The following HMOX2 variants were observed in gnomAD, a reference collection of about 807,000 sequenced individuals.
HMOX2 encodes the protein heme oxygenase (decycling) 2.
In HMOX2, 30 loss-of-function variants were observed where a neutral mutation model predicts 33.7. That is an observed-to-expected ratio of 0.89 (90% CI 0.67 to 1.21). The LOEUF (loss-of-function observed/expected upper bound fraction) is 1.21, where lower values mean the gene tolerates loss of function less well. HMOX2 is among the 50% of genes most tolerant of loss of function. HMOX2 has a pLI of 0.00. For synonymous variants in HMOX2, 155 were observed against 155.0 expected (o/e 1.00, Z 0.00); for missense variants, 403 against 399.1 (o/e 1.01, Z -0.08).
chr16:4,495,122 G>T (rs543613631), intron 1 of HMOX2, among the ~76,000 whole-genome samples: 1 of 152,186 alleles, frequency 6.6e-6, no homozygotes. Flanking sequence ...CACTCTGCCC[G>T]ACTAGTCCTA....
chr16:4,494,113 G>A (rs573887537), intron 1 of HMOX2, among the ~76,000 whole-genome samples: 3 of 152,122 alleles, frequency 2.0e-5, no homozygotes, highest in South Asian at 2.1e-4. Flanking sequence ...TCAGGAGATC[G>A]AGACCATCCT....
chr16:4,507,717 C>T lies in HMOX2; in HGVS notation c.209C>T (p.Ala70Val). ...CTCCTCCTGTCACCTCCACAGCTGG[C>T]CACCACGGCACTTTACTTCACATAC... The part of the protein sequence containing the change: ...GNIKKELFKL[A>V]TTALYFTYSA... The change falls in exon 4 of 6, where the codon GCC becomes GTC. Residue 70 changes from alanine (A) to valine (V), a missense_variant. By Grantham distance (64) the Ala-to-Val change is moderately conservative. Transcript: ENST00000570646. The T allele has an allele frequency of 6.2e-7, 1 of 1,613,038 alleles. No individual in the cohort carries two copies. The highest frequency in any genetic ancestry group is 1.7e-5 in the Admixed American group (1 of 60,004).
At chr16:4,507,141 T>C (rs1435089314) in intron 3 of HMOX2, 129 bp downstream of exon 3, 1 of 701,890 alleles carries the variant, frequency 1.4e-6, no homozygotes, top group Non-Finnish European at 2.6e-6. Context: ...CCATTCCTTC[T>C]TGACGTTAAG....
chr16:4,489,340 C>T (rs756176338), intron 1 of HMOX2, among the ~76,000 whole-genome samples: 1 of 152,152 alleles, frequency 6.6e-6, no homozygotes, highest in African/African-American at 2.4e-5. Context: ...TCCCTTCCTC[C>T]CTTACTTTCT....
chr16:4,502,176 C>T (rs17882082), intron 1 of HMOX2, among the ~76,000 whole-genome samples: 3,743 of 152,200 alleles, frequency 0.025, 89 homozygotes, highest in Admixed American at 0.088. Context: ...CTGCCCACCT[C>T]GGCCTCCCTA....
intron 1 of HMOX2, among the ~76,000 whole-genome samples, chr16:4,482,822 G>C (rs1325992755): frequency 1.3e-5 from 2 of 152,182 alleles, no homozygotes; most frequent in Non-Finnish European, 2.9e-5. Flanking sequence ...GAGGTCAGGA[G>C]TTTGAGACCA....
intron 1 of HMOX2, among the ~76,000 whole-genome samples, chr16:4,481,039 G>A (rs1026109956): frequency 1.3e-5 from 2 of 151,800 alleles, no homozygotes. Context: ...GCTGCAAGAA[G>A]GTACTAGTGT....
In HMOX2 at chr16:4,509,542, G is replaced by T. The variant is rs1421814737; in HGVS notation, c.823+4G>T. 6.2e-7 allele frequency: 1 copy of T among 1,614,038 alleles called. No homozygotes were observed. The highest frequency in any genetic ancestry group is 8.5e-7 in the Non-Finnish European group (1 of 1,180,030). The stretch of plus-strand genomic sequence containing the variant: ...TACGCTGCTGAACAAGACAAAGGTA[G>T]GTCTGTGTGTCCTGAGCTCCCCTCC... On this transcript the variant is annotated splice_donor_region_variant and intron_variant, in intron 5 of 5. Coordinates refer to ENST00000570646, the MANE Select transcript of HMOX2 (RefSeq NM_002134.4).
chr16:4,505,889 T>C (rs896418811), intron 2 of HMOX2, among the ~76,000 whole-genome samples: 1 of 152,218 alleles, frequency 6.6e-6, no homozygotes. Flanking sequence ...TAAAAACTTG[T>C]GCGTTTCCTC....
chr16:4,484,994 C>G (rs1202891672), intron 1 of HMOX2, among the ~76,000 whole-genome samples: 1 of 151,524 alleles, frequency 6.6e-6, no homozygotes, highest in Non-Finnish European at 1.5e-5. Flanking sequence ...GAGACGGCAT[C>G]TCACTCTGTC....
At chr16:4,493,705 T>C (rs1055749805) in intron 1 of HMOX2, among the ~76,000 whole-genome samples, 1 of 152,208 alleles carries the variant, frequency 6.6e-6, no homozygotes, top group African/African-American at 2.4e-5. Flanking sequence ...GCTCAGGCTC[T>C]AGAGATCATT....
At chr16:4,504,934 C>CAG (rs1475303803) in intron 1 of HMOX2, among the ~76,000 whole-genome samples, 1 of 152,028 alleles carries the variant, frequency 6.6e-6, no homozygotes, top group Non-Finnish European at 1.5e-5. Context: ...CTCGGCCTCC[C>CAG]AAAGTGCTGG....
At chr16:4,483,440 G>T (rs1037231427) in intron 1 of HMOX2, among the ~76,000 whole-genome samples, 1 of 151,718 alleles carries the variant, frequency 6.6e-6, no homozygotes, top group Admixed American at 6.6e-5. Flanking sequence ...CTATTACCCA[G>T]GAAATTCCAA....
chr16:4,487,103 T>C (rs4786502), intron 1 of HMOX2, among the ~76,000 whole-genome samples: 84,078 of 151,824 alleles, frequency 0.55, 26,571 homozygotes, highest in Non-Finnish European at 0.71. Flanking sequence ...CAAAAAAATT[T>C]TTAAAATTAG....
In HMOX2 at chr16:4,509,848, CT is replaced by C. The variant is rs1354517290; in HGVS notation, c.*97del. 5 of 1,423,742 alleles carry C rather than the reference CT, an allele frequency of 3.5e-6. No homozygotes were observed. Among genetic ancestry groups the C allele is most frequent in the Non-Finnish European group, 4.7e-6 (5 of 1,059,154 alleles). 88.2% of individuals were successfully genotyped at this position (1,423,742 alleles called of 1,614,324 possible). The stretch of plus-strand genomic sequence containing the variant: ...CTGACTAAACTACCACCTCAGGTGA[CT>C]TTTTAAAAAATGCTGGGTTTAAGAA... On this transcript the variant is annotated 3_prime_UTR_variant, in exon 6 of 6. Transcript: ENST00000570646.
upstream of HMOX2, among the ~76,000 whole-genome samples, chr16:4,475,468 C>A (rs568948984): frequency 1.3e-5 from 2 of 151,506 alleles, no homozygotes; most frequent in Admixed American, 6.6e-5. Flanking sequence ...CCACCATGCC[C>A]GGCTAAAATT....
rs889406875 is a variant in HMOX2 at position 4,510,101 on chromosome 16, G to T, written c.*345G>T. On this transcript the variant is annotated 3_prime_UTR_variant, in exon 6 of 6. Transcript: ENST00000570646. Reference sequence around the variant, plus strand: ...TGGGTGACTATCTCCCCTGTTGGAGGTGAGTGGCCTGTAAGTCCAAGCTGT... The same window carrying T: ...TGGGTGACTATCTCCCCTGTTGGAGTTGAGTGGCCTGTAAGTCCAAGCTGT... 3.6e-6 allele frequency: 1 copy of T among 281,664 alleles called. No homozygotes were observed. The highest frequency in any genetic ancestry group is 6.8e-6 in the Non-Finnish European group (1 of 147,422). 17.4% of individuals were successfully genotyped at this position (281,664 alleles called of 1,614,324 possible).
At chr16:4,483,160 GGTGT>G (rs35532266) in intron 1 of HMOX2, among the ~76,000 whole-genome samples, 4,103 of 131,062 alleles carry the variant, frequency 0.031, 63 homozygotes, top group South Asian at 0.047. Context: ...TGCAAACCCT[GGTGT>G]GTGTGTGTGT....
At chr16:4,481,160 C>T (rs2058018857) in intron 1 of HMOX2, among the ~76,000 whole-genome samples, 1 of 151,144 alleles carries the variant, frequency 6.6e-6, no homozygotes, top group South Asian at 2.1e-4. Flanking sequence ...TGCTGGCTAA[C>T]ACGGTGAAAC....
Sources: allele counts gnomAD v4.1 joint callset (sites outside exome capture counted in the v4.1 genomes callset), GRCh38; gene constraint gnomAD v4.1.1; transcripts MANE v1.5; gene names NCBI Gene and HGNC (gene_info 2026-07-23, HGNC 2026-07-21).